Variants in CAMSAP3 observed in about 807,000 individuals in gnomAD.
CAMSAP3 encodes calmodulin regulated spectrin associated protein family member 3.
Under a neutral mutation model 112.5 loss-of-function variants are expected in CAMSAP3, and 34 were observed. The ratio of observed to expected loss-of-function variants is 0.30; its 90% CI spans 0.23 to 0.40. The LOEUF (loss-of-function observed/expected upper bound fraction) is 0.40, where lower values mean the gene tolerates loss of function less well. Ranked by LOEUF, CAMSAP3 falls within the 10% of genes least tolerant of loss-of-function variation. The pLI, the probability that CAMSAP3 is intolerant of heterozygous loss-of-function variation, is 1.00. For missense variants in CAMSAP3, 1,602 were observed against 1,770.3 expected (o/e 0.90, Z 1.71); for synonymous variants, 868 against 799.8 (o/e 1.09, Z -1.44).
intron 11 of CAMSAP3, among the ~76,000 whole-genome samples, chr19:7,613,595 G>C (rs1371804485): frequency 6.6e-6 from 1 of 151,898 alleles, no homozygotes; most frequent in East Asian, 1.9e-4. Context: ...ACAAGGTATG[G>C]GTGGCCGGAC....
chr19:7,600,524 C>T (rs1274244231), intron 1 of CAMSAP3, among the ~76,000 whole-genome samples: 1 of 6,814 alleles, frequency 1.5e-4, no homozygotes, highest in Non-Finnish European at 2.6e-4. Context: ...CCCACCCACT[C>T]GTCTACCCAT....
At chr19:7,603,406 G>C (rs952668525) in intron 1 of CAMSAP3, among the ~76,000 whole-genome samples, 5 of 151,770 alleles carry the variant, frequency 3.3e-5, no homozygotes, top group African/African-American at 1.2e-4. Flanking sequence ...GTAGAGATGG[G>C]GTTTCACCAT....
chr19:7,615,733 G>A lies in CAMSAP3; in HGVS notation c.3112+14G>A, dbSNP rs1016530109. ...GCGGCCTGCTGGGTGAGGACCCTTG[G>A]GGGACGGGGCCTGCCCAGTGCCCTT... On this transcript the variant is annotated intron_variant, in intron 13 of 16. Coordinates refer to ENST00000160298, the MANE Select transcript of CAMSAP3 (RefSeq NM_020902.2). This position sits in a 1 kb window ranked among gnomAD's most constrained non-coding sequence, Gnocchi z 6.5. The A allele has an allele frequency of 6.1e-5, 85 of 1,393,820 alleles. No homozygotes were observed. Among genetic ancestry groups the A allele is most frequent in the Non-Finnish European group, 7.7e-5 (83 of 1,080,844 alleles). 86.3% of individuals were successfully genotyped at this position (1,393,820 alleles called of 1,614,324 possible). A position where few individuals can be genotyped will look rare whatever the true frequency, so the allele number is the denominator to read the frequency against.
Position 7,615,692 on chromosome 19 carries a change from G to A in CAMSAP3, c.3085G>A (p.Ala1029Thr). 7.1e-7 allele frequency: 1 copy of A among 1,415,076 alleles called. No individual in the cohort carries two copies. Among genetic ancestry groups the A allele is most frequent in the Non-Finnish European group, 9.2e-7 (1 of 1,090,660 alleles). 87.7% of individuals were successfully genotyped at this position (1,415,076 alleles called of 1,614,324 possible). Reference protein sequence around the residue: ...RSGCCDDSALARSPARGLLGS... With the variant: ...RSGCCDDSALTRSPARGLLGS... Reference sequence around the variant, plus strand: ...GGGTTGCTGTGACGACTCAGCCCTGGCACGAAGCCCAGCCCGCGGCCTGCT... The same window carrying A: ...GGGTTGCTGTGACGACTCAGCCCTGACACGAAGCCCAGCCCGCGGCCTGCT... The change falls in exon 13 of 17, where the codon GCA becomes ACA. Residue 1029 changes from alanine to threonine, a missense_variant. Physicochemically the swap from Ala to Thr is moderately conservative, Grantham distance 58. Around this residue, in one of 6 missense-constraint regions of CAMSAP3, gnomAD observed 1,100 missense variants for 1,135.7 expected, o/e 0.97. Transcript: ENST00000160298. This position sits in a 1 kb window ranked among gnomAD's most constrained non-coding sequence, Gnocchi z 6.5.
At chr19:7,599,535 C>CA in intron 1 of CAMSAP3, among the ~76,000 whole-genome samples, 1 of 99,758 alleles carries the variant, frequency 1.0e-5, no homozygotes. Context: ...CTCATCCATC[C>CA]TTCCACCCAC....
Position 7,615,262 on chromosome 19 carries a change from C to T in CAMSAP3, c.2750C>T (p.Ala917Val), listed in dbSNP as rs758210633. 21 of 1,549,884 alleles carry T rather than the reference C, an allele frequency of 1.4e-5. No homozygotes were observed. Among genetic ancestry groups the T allele is most frequent in the African/African-American group, 4.1e-5 (3 of 73,044 alleles). The change falls in exon 12 of 17, where the codon GCG becomes GTG. Residue 917 changes from alanine to valine, a missense_variant. Physicochemically the swap from Ala to Val is moderately conservative, Grantham distance 64. Coordinates refer to ENST00000160298, the MANE Select transcript of CAMSAP3 (RefSeq NM_020902.2). This position sits in a 1 kb window ranked among gnomAD's most constrained non-coding sequence, Gnocchi z 6.5. The stretch of plus-strand genomic sequence containing the variant: ...CGGCAGCAGCGGCGAGCAGAGGAGG[C>T]GCGGCGGCGCAAGCAGTGGCAGGAG... The part of the protein sequence containing the change: ...LERQQRRAEE[A>V]RRRKQWQEVE...
At chr19:7,609,703 C>A (rs1312163895) in intron 5 of CAMSAP3, among the ~76,000 whole-genome samples, 3 of 152,148 alleles carry the variant, frequency 2.0e-5, no homozygotes, top group African/African-American at 7.2e-5. Flanking sequence ...TCATGGGGAA[C>A]CAGTGGGAGC....
At chr19:7,605,149 T>G (rs984339807) in intron 1 of CAMSAP3, 77 bp from the exon 2 acceptor site, 12 of 460,440 alleles carry the variant, frequency 2.6e-5, no homozygotes, top group Middle Eastern at 5.3e-4. Context: ...GGCCATGTGG[T>G]GTGTGTGTGT....
intron 14 of CAMSAP3, 119 bp downstream of exon 14, chr19:7,616,741 T>C (rs879198561): frequency 2.7e-5 from 19 of 713,892 alleles, no homozygotes; most frequent in Admixed American, 4.2e-5. Context: ...GGATACGCCA[T>C]GAAGAGATGG....
Position 7,605,251 on chromosome 19 carries a change from G to A in CAMSAP3, c.174G>A (p.Glu58=), listed in dbSNP as rs535429985. ...GAEHVPPELW[E]PFYTDQYAQE... ...AGCACGTGCCCCCGGAGCTGTGGGA[G>A]CCCTTCTATACCGACCAGTACGCGC... Residue 58 remains glutamate, a synonymous_variant, in exon 2 of 17, where the codon GAG becomes GAA. Coordinates refer to ENST00000160298, the MANE Select transcript of CAMSAP3 (RefSeq NM_020902.2). 2.1e-5 allele frequency: 33 copies of A among 1,570,156 alleles called. No individual in the cohort carries two copies. The South Asian group carries it at 3.3e-4, about 16-fold the overall frequency.
At chr19:7,605,163 T>TGTGTGC (rs2030142659) in intron 1 of CAMSAP3, 63 bp from the exon 2 acceptor site, 1 of 1,088,164 alleles carries the variant, frequency 9.2e-7, no homozygotes, top group African/African-American at 1.6e-5. Flanking sequence ...TGTGTGTGTG[T>TGTGTGC]GTGTGTGTGT....
rs577974423 is a variant in CAMSAP3 at position 7,618,071 on chromosome 19, G to A, written c.*14G>A. Reference sequence around the variant, plus strand: ...ACCCCCAAATAGCCCCACCCGGGCGGTCCACGGGCCGGGCCCTGTGTGCTG... The same window carrying A: ...ACCCCCAAATAGCCCCACCCGGGCGATCCACGGGCCGGGCCCTGTGTGCTG... On this transcript the variant is annotated 3_prime_UTR_variant, in exon 17 of 17. Coordinates refer to ENST00000160298, the MANE Select transcript of CAMSAP3 (RefSeq NM_020902.2). 3.1e-6 allele frequency: 5 copies of A among 1,605,846 alleles called. No homozygotes were observed. In the Admixed American group the frequency reaches 6.7e-5, roughly 22 times the overall value.
In CAMSAP3 at chr19:7,617,328, C is replaced by A. The variant is rs2030860061; in HGVS notation, c.3215C>A (p.Ala1072Asp). ...NLGVKRPTSR[A>D]PSPSGLMSPS... ...ATCCCATCCTTCTCCCACTGCAGGG[C>A]TCCCTCCCCGTCAGGTCTCATGTCC... is the stretch of plus-strand genomic sequence containing the variant. Residue 1072 changes from alanine (A) to aspartate (D), a missense_variant and splice_region_variant, in exon 15 of 17, where the codon GCT (alanine) becomes GAT (aspartate). Ala to Asp is a moderately radical substitution (Grantham distance 126). Transcript: ENST00000160298. This position sits in a 1 kb window ranked among gnomAD's most constrained non-coding sequence, Gnocchi z 7.5. 5.6e-6 allele frequency: 9 copies of A among 1,612,384 alleles called. No individual in the cohort carries two copies. Among genetic ancestry groups the A allele is most frequent in the Non-Finnish European group, 6.8e-6 (8 of 1,178,570 alleles).
chr19:7,603,009 A>C (rs2030039526), intron 1 of CAMSAP3, among the ~76,000 whole-genome samples: 1 of 152,032 alleles, frequency 6.6e-6, no homozygotes, highest in African/African-American at 2.4e-5. Flanking sequence ...GAGAGGGGCA[A>C]AAAGAAGGTC....
At position 7,612,599 on chromosome 19, in the gene CAMSAP3, G is replaced by A. The variant is rs374609998; in HGVS notation, c.2106G>A (p.Ala702=). The change falls in exon 11 of 17, where the codon GCG becomes GCA. Residue 702 remains alanine, a synonymous_variant. Coordinates refer to ENST00000160298, the MANE Select transcript of CAMSAP3 (RefSeq NM_020902.2). ...AGGGGCTGGGGGAATACAATCGAGC[G>A]GTCAGCAAGCTGAGTGCCGCCTTGA... is the stretch of plus-strand genomic sequence containing the variant. ...PHEGLGEYNR[A]VSKLSAALSS... is the part of the protein sequence containing the mutation. 3.0e-4 allele frequency: 457 copies of A among 1,531,874 alleles called. No individual in the cohort carries two copies. The Admixed American group carries it at 8.8e-3, about 29-fold the overall frequency. The allele number at this position is 1,531,874 out of a possible 1,614,324, so 94.9% of individuals were successfully genotyped here. A position where few individuals can be genotyped will look rare whatever the true frequency, so the allele number is the denominator to read the frequency against.
rs1248425856 is a variant in CAMSAP3 at position 7,615,475 on chromosome 19, G to A, written c.2868G>A (p.Ala956=). ...CGCTTGTGTCCGCAGTCCCGATGGC[G>A]ACTCCAGCCCCTGCTGCCCGGGCTC... is the stretch of plus-strand genomic sequence containing the variant. The part of the protein sequence containing the change: ...PAPLVSAVPM[A]TPAPAARAPA... Residue 956 remains alanine, a synonymous_variant, in exon 13 of 17, where the codon GCG becomes GCA. Coordinates refer to ENST00000160298, the MANE Select transcript of CAMSAP3 (RefSeq NM_020902.2). This position sits in a 1 kb window ranked among gnomAD's most constrained non-coding sequence, Gnocchi z 6.5. 34 of 1,540,864 alleles carry A rather than the reference G, an allele frequency of 2.2e-5. No individual in the cohort carries two copies. Among genetic ancestry groups the A allele is most frequent in the Non-Finnish European group, 2.9e-5 (33 of 1,146,018 alleles).
chr19:7,597,465 G>A (rs1391239552), intron 1 of CAMSAP3, among the ~76,000 whole-genome samples: 1 of 152,184 alleles, frequency 6.6e-6, no homozygotes, highest in Non-Finnish European at 1.5e-5. Flanking sequence ...ACCAGAATGC[G>A]AATTATCCCA....
At chr19:7,605,602 GTCGATTAAGCCTAGCTCC>G (rs2030172677) in intron 2 of CAMSAP3, 123 bp downstream of exon 2, 1 of 1,162,816 alleles carries the variant, frequency 8.6e-7, no homozygotes, top group Admixed American at 3.7e-5. Flanking sequence ...TTCAAGCTTT[GTCGATTAAGCCTAGCTCC>G]TCCCATCAGG....
chr19:7,613,137 C>T lies in CAMSAP3; in HGVS notation c.2644C>T (p.Arg882Trp), dbSNP rs2146172737. The T allele has an allele frequency of 2.3e-6, 3 of 1,277,128 alleles. No homozygotes were observed. Among genetic ancestry groups the T allele is most frequent in the Non-Finnish European group, 3.0e-6 (3 of 990,916 alleles). 79.1% of individuals were successfully genotyped at this position (1,277,128 alleles called of 1,614,324 possible). Reference protein sequence around the residue: ...EEEASSEGEPRVGLGFFYKDE... With the variant: ...EEEASSEGEPWVGLGFFYKDE... ...GGAGGCGTCTTCGGAGGGGGAGCCC[C>T]GGGTGGGGCTGGGGTTCTTCTACAA... The change falls in exon 11 of 17, where the codon CGG becomes TGG. Residue 882 changes from arginine to tryptophan, a missense_variant. Coordinates refer to ENST00000160298, the MANE Select transcript of CAMSAP3 (RefSeq NM_020902.2).
Sources: gnomAD v4.1 joint callset for allele counts (sites outside exome capture counted in the v4.1 genomes callset) on GRCh38, gnomAD v4.1.1 for gene constraint, gnomAD v4.1.1 regional missense constraint, Gnocchi (gnomAD v3.1) non-coding constraint, MANE v1.5 for transcripts, NCBI Gene and HGNC (gene_info 2026-07-23, HGNC 2026-07-21) for gene names.